Variants in RMND1 observed in about 807,000 individuals in gnomAD.
The protein encoded by RMND1 is required for meiotic nuclear division protein 1 homolog.
A neutral mutation model predicts 54.0 loss-of-function variants in RMND1; 41 were observed. The ratio of observed to expected loss-of-function variants is 0.76; its 90% confidence interval spans 0.59 to 0.98. RMND1 has a LOEUF of 0.98. Ranked by LOEUF, RMND1 falls within the 50% of genes least tolerant of loss-of-function variation. The pLI is 0.00. For synonymous variants in RMND1, 183 were observed against 181.7 expected (o/e 1.01, Z -0.06); for missense variants, 457 against 532.0 (o/e 0.86, Z 1.39).
At chr6:151,444,983 ATTTTAT>A in intron 2 of RMND1, 1 of 206,886 alleles carries the variant, frequency 4.8e-6, no homozygotes, top group East Asian at 1.1e-4. Flanking sequence ...GTTTTTTTTT[ATTTTAT>A]TTTTTTTTAC....
chr6:151,445,497 C>T lies in RMND1; in HGVS notation c.315G>A (p.Arg105=), dbSNP rs1398616968. The T allele has an allele frequency of 4.3e-6, 7 of 1,614,102 alleles. No individual in the cohort carries two copies. The African/African-American group carries it at 8.0e-5, about 18-fold the overall frequency. Residue 105 remains arginine, a synonymous_variant, in exon 2 of 12, where the codon AGG becomes AGA. Coordinates refer to ENST00000444024, the MANE Select transcript of RMND1 (RefSeq NM_017909.4). ...ACAGATTTGGTTTGTGGGTCACTCTCCTGTGAGTACCAAAGGATTTCATGG... is the reference window on the plus strand; with the variant it reads ...ACAGATTTGGTTTGTGGGTCACTCTTCTGTGAGTACCAAAGGATTTCATGG... ...LPTMKSFGTH[R]RVTHKPNLLG... is the part of the protein sequence containing the mutation.
chr6:151,443,600 G>A (rs574145043), intron 2 of RMND1, among the ~76,000 whole-genome samples: 4 of 152,184 alleles, frequency 2.6e-5, no homozygotes, highest in South Asian at 2.1e-4. Flanking sequence ...GTGAGCCACC[G>A]CCCAGCCAGA....
At chr6:151,450,467 G>A (rs1264295464) in intron 1 of RMND1, among the ~76,000 whole-genome samples, 1 of 54,914 alleles carries the variant, frequency 1.8e-5, no homozygotes, top group African/African-American at 1.6e-4. Flanking sequence ...GCCAGCCCCC[G>A]TCCGGGAGGA....
chr6:151,418,239 C>T (rs1358848140), intron 9 of RMND1, among the ~76,000 whole-genome samples: 4 of 152,092 alleles, frequency 2.6e-5, no homozygotes, highest in African/African-American at 9.7e-5. Context: ...CACAGCGAAA[C>T]CCTATCTCTA....
chr6:151,409,436 C>T (rs913562764), intron 10 of RMND1, among the ~76,000 whole-genome samples: 4 of 152,210 alleles, frequency 2.6e-5, no homozygotes, highest in Admixed American at 2.0e-4. Flanking sequence ...AAGGTCCTCC[C>T]ATGAGCTGAA....
intron 9 of RMND1, among the ~76,000 whole-genome samples, chr6:151,418,023 C>G (rs530376420): frequency 6.6e-6 from 1 of 152,230 alleles, no homozygotes; most frequent in South Asian, 2.1e-4. Flanking sequence ...CCAGGCTGGT[C>G]TCGAACTCCT....
chr6:151,405,715 C>G lies in RMND1; in HGVS notation c.1317+5G>C, dbSNP rs773627378. The G allele has an allele frequency of 1.5e-6, 2 of 1,370,304 alleles. No homozygotes were observed. Among genetic ancestry groups the G allele is most frequent in the Non-Finnish European group, 2.1e-6 (2 of 958,272 alleles). 84.9% of individuals were successfully genotyped at this position (1,370,304 alleles called of 1,614,324 possible). ...TGATCATAGTACAGAGCATTTCCAT[C>G]TTACCTCTATGGTAATGAGGATGAC... is the stretch of plus-strand genomic sequence containing the variant. On this transcript the variant is annotated splice_donor_5th_base_variant and intron_variant, in intron 11 of 11. Coordinates refer to ENST00000444024, the MANE Select transcript of RMND1 (RefSeq NM_017909.4).
At chr6:151,406,410 C>T (rs9397403) in intron 10 of RMND1, among the ~76,000 whole-genome samples, 76,170 of 151,768 alleles carry the variant, frequency 0.5, 22,454 homozygotes, top group African/African-American at 0.81. Context: ...TCGCCCAGGC[C>T]GGAGTGTAAT....
At chr6:151,415,011 C>T (rs993522393) in intron 10 of RMND1, among the ~76,000 whole-genome samples, 1 of 150,788 alleles carries the variant, frequency 6.6e-6, no homozygotes, top group Non-Finnish European at 1.5e-5. Context: ...ATTTGTCTCA[C>T]TAGACTTACC....
At chr6:151,436,210 A>G (rs1438935707) in intron 3 of RMND1, 2 of 432,058 alleles carry the variant, frequency 4.6e-6, no homozygotes, top group Non-Finnish European at 8.4e-6. Flanking sequence ...GACCACCTCA[A>G]GTAATAATGA....
At chr6:151,433,939 AC>A (rs143471784) in intron 3 of RMND1, among the ~76,000 whole-genome samples, 19,998 of 86,018 alleles carry the variant, frequency 0.23, 1,748 homozygotes, top group East Asian at 0.37. Flanking sequence ...AACTCAAGGG[AC>A]CCCCCCCCGC....
intron 4 of RMND1, 59 bp from the exon 5 acceptor site, chr6:151,430,236 C>A: frequency 8.2e-7 from 1 of 1,225,886 alleles, no homozygotes; most frequent in South Asian, 1.3e-5. Flanking sequence ...TCTTTAGGGT[C>A]GTATATAAAA....
intron 2 of RMND1, among the ~76,000 whole-genome samples, chr6:151,444,204 G>C (rs1780882397): frequency 6.6e-6 from 1 of 152,222 alleles, no homozygotes; most frequent in African/African-American, 2.4e-5. Flanking sequence ...AGTGAGTTGA[G>C]CTTTCTCTTT....
chr6:151,408,309 T>A (rs999599184), intron 10 of RMND1, among the ~76,000 whole-genome samples: 1 of 151,970 alleles, frequency 6.6e-6, no homozygotes. Context: ...ATGGCCAACA[T>A]AGCGAAACCC....
intron 4 of RMND1, among the ~76,000 whole-genome samples, chr6:151,430,739 G>T (rs531105406): frequency 3.0e-4 from 45 of 152,278 alleles, no homozygotes; most frequent in Non-Finnish European, 5.9e-4. Flanking sequence ...ATTATTTAGG[G>T]TCTAAAACTA....
At chr6:151,418,467 T>C (rs1246085230) in intron 9 of RMND1, 1 of 152,006 alleles carries the variant, frequency 6.6e-6, no homozygotes, top group Non-Finnish European at 1.5e-5. Context: ...ATTTAAAAAA[T>C]TTTTTTAGAG....
At chr6:151,445,941 CTAAGT>C (rs1189637785) in intron 1 of RMND1, 116 bp from the exon 2 acceptor site, 1 of 903,318 alleles carries the variant, frequency 1.1e-6, no homozygotes, top group African/African-American at 1.7e-5. Flanking sequence ...CAGATACATT[CTAAGT>C]TAATTCTAGT....
intron 2 of RMND1, chr6:151,445,100 T>C: frequency 7.9e-6 from 4 of 508,816 alleles, no homozygotes; most frequent in Non-Finnish European, 1.4e-5. Flanking sequence ...TGTTATCACC[T>C]GTATTTTGTT....
At chr6:151,425,006 G>C (rs772315159) in intron 6 of RMND1, among the ~76,000 whole-genome samples, 2 of 152,120 alleles carry the variant, frequency 1.3e-5, no homozygotes, top group Non-Finnish European at 2.9e-5. Context: ...GTAGTGGCGT[G>C]ATCTTCGCTC....
Sources: allele counts gnomAD v4.1 joint callset (sites outside exome capture counted in the v4.1 genomes callset), GRCh38; gene constraint gnomAD v4.1.1; transcripts MANE v1.5; gene names NCBI Gene and HGNC (gene_info 2026-07-23, HGNC 2026-07-21).